PCDHGA5: variants seen among roughly 807,000 people sequenced by gnomAD.
PCDHGA5 encodes protocadherin gamma-A5.
PCDHGA5 carries 36 observed loss-of-function variants against 56.7 expected under a neutral mutation model. The observed-to-expected ratio is 0.64, with a 90% CI of 0.49 to 0.84. The LOEUF is 0.84. Ranked by LOEUF, PCDHGA5 falls within the 40% of genes least tolerant of loss-of-function variation. The probability of loss-of-function intolerance (pLI) is 0.00; values close to 1 mark genes in which losing one functional copy is unlikely to be tolerated. For synonymous variants in PCDHGA5, 563 were observed against 520.2 expected (o/e 1.08, Z -1.12); for missense variants, 1,305 against 1,201.5 (o/e 1.09, Z -1.27).
At position 141,372,042 on chromosome 5, in the gene PCDHGA5, G is replaced by A. The variant is rs373749332; in HGVS notation, c.2421+5291G>A. The A allele has an allele frequency of 5.0e-6, 8 of 1,613,478 alleles. No individual in the cohort carries two copies. The East Asian group carries it at 1.3e-4, about 27-fold the overall frequency. The stretch of plus-strand genomic sequence containing the variant: ...GCTCAGCGCCAACGTGAGCCTGCGC[G>A]TGTTGGTGGACGACCGCAACGACAA... On this transcript the variant is annotated intron_variant, in intron 1 of 3. Transcript: ENST00000518069.
chr5:141,414,684 AC>A (rs1561750824), intron 1 of PCDHGA5: 1 of 1,613,924 alleles, frequency 6.2e-7, no homozygotes, highest in Admixed American at 1.7e-5. Flanking sequence ...TCCAGGGGGT[AC>A]CTCTGTCCTC....
At chr5:141,434,952 C>T (rs1362599956) in intron 1 of PCDHGA5, among the ~76,000 whole-genome samples, 2 of 151,756 alleles carry the variant, frequency 1.3e-5, no homozygotes, top group East Asian at 3.9e-4. Flanking sequence ...AATTTATTAA[C>T]AATTTATAAA....
intron 1 of PCDHGA5, among the ~76,000 whole-genome samples, chr5:141,451,829 C>T (rs564970982): frequency 1.2e-4 from 18 of 151,422 alleles, no homozygotes; most frequent in African/African-American, 4.1e-4. Flanking sequence ...TACAGTGAGC[C>T]GAGATCACAC....
intron 1 of PCDHGA5, chr5:141,389,804 T>G (rs751634687): frequency 2.3e-5 from 37 of 1,613,616 alleles, no homozygotes; most frequent in Non-Finnish European, 3.1e-5. Flanking sequence ...GCCAGCGCCT[T>G]CTGGTCGCCG....
intron 1 of PCDHGA5, among the ~76,000 whole-genome samples, chr5:141,380,425 G>A (rs1383419124): frequency 1.3e-5 from 2 of 152,192 alleles, no homozygotes; most frequent in Non-Finnish European, 1.5e-5. Context: ...AAGCCAAATA[G>A]ACTTTACATA....
intron 1 of PCDHGA5, chr5:141,398,411 T>C (rs1346480691): frequency 6.8e-7 from 1 of 1,478,640 alleles, no homozygotes; most frequent in South Asian, 1.1e-5. Context: ...AGGGAGGAGA[T>C]ATGCGGGAAG....
chr5:141,482,529 G>GAAAAAAAA (rs1256461887), intron 1 of PCDHGA5, among the ~76,000 whole-genome samples: 1 of 56,042 alleles, frequency 1.8e-5, no homozygotes, highest in Admixed American at 1.9e-4. Context: ...AGACAGACAT[G>GAAAAAAAA]CAAAAAAAAA....
chr5:141,498,002 C>T (rs1442305270), intron 2 of PCDHGA5, among the ~76,000 whole-genome samples: 2 of 152,178 alleles, frequency 1.3e-5, no homozygotes, highest in East Asian at 1.9e-4. Flanking sequence ...AAGGAGTTTA[C>T]AGTGCACTGA....
chr5:141,437,000 G>A (rs1197061999), intron 1 of PCDHGA5, among the ~76,000 whole-genome samples: 1 of 152,198 alleles, frequency 6.6e-6, no homozygotes, highest in Non-Finnish European at 1.5e-5. Flanking sequence ...TTACTTCAAT[G>A]GGATCTTAGA....
chr5:141,472,579 G>T (rs1172183592), intron 1 of PCDHGA5, among the ~76,000 whole-genome samples: 3 of 151,928 alleles, frequency 2.0e-5, no homozygotes, highest in Non-Finnish European at 4.4e-5. Context: ...GCATCTCATT[G>T]GTCAGAAGCT....
At chr5:141,419,576 G>A (rs958064613) in intron 1 of PCDHGA5, 10 of 1,611,766 alleles carry the variant, frequency 6.2e-6, no homozygotes, top group Non-Finnish European at 6.8e-6. Flanking sequence ...CGACGGCTCC[G>A]CGCTCTTCGA....
intron 1 of PCDHGA5, chr5:141,404,905 GC>G (rs762314174): frequency 6.2e-6 from 10 of 1,613,910 alleles, no homozygotes; most frequent in Middle Eastern, 1.7e-4. Context: ...ACCATGGCCA[GC>G]CCCCTCTCTC....
Position 141,477,068 on chromosome 5 carries a change from C to G in PCDHGA5, c.2422-17739C>G. The G allele has an allele frequency of 6.2e-7, 1 of 1,614,268 alleles. No individual in the cohort carries two copies. Among genetic ancestry groups the G allele is most frequent in the Non-Finnish European group, 8.5e-7 (1 of 1,180,046 alleles). On this transcript the variant is annotated intron_variant, in intron 1 of 3. Coordinates refer to ENST00000518069, the MANE Select transcript of PCDHGA5 (RefSeq NM_018918.3). This position sits in a 1 kb window ranked among gnomAD's most constrained non-coding sequence, Gnocchi z 4.9. ...GCTGGACTTCGAGGACACCAAACTC[C>G]ATGAGATTTACATCCAGGCCAAAGA...
chr5:141,498,616 G>T (rs1202866176), intron 2 of PCDHGA5, among the ~76,000 whole-genome samples: 1 of 152,138 alleles, frequency 6.6e-6, no homozygotes, highest in East Asian at 1.9e-4. Flanking sequence ...AGTCAGCACT[G>T]GGTCACACTG....
At chr5:141,415,257 T>G in intron 1 of PCDHGA5, 1 of 1,614,170 alleles carries the variant, frequency 6.2e-7, no homozygotes, top group Non-Finnish European at 8.5e-7. Flanking sequence ...CAGACCTCAC[T>G]CTGTACCTGG....
chr5:141,409,481 A>G (rs1589715212), intron 1 of PCDHGA5: 1 of 1,613,968 alleles, frequency 6.2e-7, no homozygotes, highest in Non-Finnish European at 8.5e-7. Context: ...AGCCACTGAC[A>G]GGGGCAAGCC....
At chr5:141,418,201 A>G (rs2096236241) in intron 1 of PCDHGA5, 1 of 1,614,020 alleles carries the variant, frequency 6.2e-7, no homozygotes, top group Non-Finnish European at 8.5e-7. Flanking sequence ...AAAATCCTTT[A>G]AATATTTTTC....
At chr5:141,377,890 C>G (rs1204585448) in intron 1 of PCDHGA5, 1 of 152,090 alleles carries the variant, frequency 6.6e-6, no homozygotes, top group Non-Finnish European at 1.5e-5. Context: ...GATAGGATCC[C>G]CCTCTGTTGC....
rs183549806 is a variant in PCDHGA5 at position 141,487,760 on chromosome 5, G to A, written c.2422-7047G>A. ...TGTAAGAGGTAACTATGTGGTAGAC[G>A]CTGTGCTTTGTAACTGTTTCGTGAA... On this transcript the variant is annotated intron_variant, in intron 1 of 3. Transcript: ENST00000518069. The surrounding 1 kb of genome is among the most constrained non-coding windows in gnomAD (Gnocchi z 5.0). 42 of 1,545,950 alleles carry A rather than the reference G, an allele frequency of 2.7e-5. No homozygotes were observed. The African/African-American group carries it at 3.8e-4, about 14-fold the overall frequency.
Sources: allele counts gnomAD v4.1 joint callset (sites outside exome capture counted in the v4.1 genomes callset), GRCh38; gene constraint gnomAD v4.1.1; non-coding constraint Gnocchi (gnomAD v3.1); transcripts MANE v1.5; gene names NCBI Gene and HGNC (gene_info 2026-07-23, HGNC 2026-07-21).